PDE5A: variants seen among roughly 807,000 people sequenced by gnomAD.
The protein encoded by PDE5A is cGMP-specific 3',5'-cyclic phosphodiesterase.
Under a neutral mutation model 110.2 loss-of-function variants are expected in PDE5A, and 67 were observed. The observed-to-expected ratio is 0.61, with a 90% CI of 0.50 to 0.75. The LOEUF (loss-of-function observed/expected upper bound fraction) is 0.75. Ranked by LOEUF, PDE5A falls within the 30% of genes least tolerant of loss-of-function variation. The pLI is 0.00. For synonymous variants in PDE5A, 328 were observed against 351.2 expected (o/e 0.93, Z 0.74); for missense variants, 862 against 1,045.1 (o/e 0.82, Z 2.42).
At chr4:119,572,676 AAC>A (rs1728183289) in intron 3 of PDE5A, among the ~76,000 whole-genome samples, 1 of 152,200 alleles carries the variant, frequency 6.6e-6, no homozygotes, top group African/African-American at 2.4e-5. Context: ...GACTTGTTAA[AAC>A]ACAGTTTCGT....
At chr4:119,551,366 G>A (rs1727349024) in intron 9 of PDE5A, among the ~76,000 whole-genome samples, 2 of 152,254 alleles carry the variant, frequency 1.3e-5, no homozygotes, top group African/African-American at 4.8e-5. Flanking sequence ...ACCTACACTG[G>A]AAAAGAAAGT....
intron 2 of PDE5A, among the ~76,000 whole-genome samples, chr4:119,604,904 T>A (rs1362628315): frequency 6.6e-6 from 1 of 152,158 alleles, no homozygotes. Flanking sequence ...TACTTCTTCA[T>A]CCGAAATCCA....
At position 119,520,917 on chromosome 4, in the gene PDE5A, A is replaced by G. The variant is rs1267260175; in HGVS notation, c.1905+18T>C. 6.3e-7 allele frequency: 1 copy of G among 1,599,474 alleles called. No individual in the cohort carries two copies. On this transcript the variant is annotated intron_variant, in intron 13 of 20. Coordinates refer to ENST00000354960, the MANE Select transcript of PDE5A (RefSeq NM_001083.4). The stretch of plus-strand genomic sequence containing the variant: ...AGCAACAAAATGTATTAGATATATG[A>G]ATGGCTCTAAAAAGTACCTGAATTT...
intron 3 of PDE5A, among the ~76,000 whole-genome samples, chr4:119,580,223 C>T (rs1455957058): frequency 1.3e-5 from 2 of 152,232 alleles, no homozygotes; most frequent in East Asian, 3.9e-4. Context: ...CTGCCAAATA[C>T]TAAACTCTCT....
intron 3 of PDE5A, among the ~76,000 whole-genome samples, chr4:119,588,168 TTC>T (rs1474881641): frequency 6.8e-6 from 1 of 148,042 alleles, no homozygotes; most frequent in African/African-American, 2.5e-5. Flanking sequence ...CTCCAATTTT[TTC>T]TTTTTTTTTT....
At chr4:119,523,842 T>A (rs989990713) in intron 12 of PDE5A, among the ~76,000 whole-genome samples, 1 of 152,062 alleles carries the variant, frequency 6.6e-6, no homozygotes, top group Non-Finnish European at 1.5e-5. Context: ...ATGGGAGTAC[T>A]CAGGAATGGA....
chr4:119,576,883 AT>A lies in PDE5A; in HGVS notation c.832-9740del, dbSNP rs1728372391. 2.6e-5 allele frequency among the ~76,000 whole-genome samples: 4 copies of A among 152,352 alleles called. No homozygotes were observed. The South Asian group carries it at 8.3e-4, about 32-fold the overall frequency. The stretch of plus-strand genomic sequence containing the variant: ...AGAGACACAAAAAACCCGTCAAAAA[AT>A]CAATGAATCCAGGAGCTGGTTTTTT... On this transcript the variant is annotated intron_variant, in intron 3 of 20. Transcript: ENST00000354960.
chr4:119,608,976 T>C (rs1729640824), intron 1 of PDE5A, among the ~76,000 whole-genome samples: 1 of 151,936 alleles, frequency 6.6e-6, no homozygotes, highest in Non-Finnish European at 1.5e-5. Context: ...CCTGGCTACA[T>C]GGTGAAACCC....
intron 14 of PDE5A, among the ~76,000 whole-genome samples, chr4:119,514,502 A>G (rs1002164727): frequency 6.9e-6 from 1 of 144,492 alleles, no homozygotes; most frequent in African/African-American, 2.6e-5. Flanking sequence ...TTGCCTTCTC[A>G]TTGTCTATAA....
chr4:119,627,388 G>C lies in PDE5A; in HGVS notation c.152+1132C>G, dbSNP rs1411956507. The C allele has an allele frequency of 1.2e-6, 1 of 832,442 alleles. No homozygotes were observed. The highest frequency in any genetic ancestry group is 1.5e-6 in the Non-Finnish European group (1 of 689,144). 51.6% of individuals were successfully genotyped at this position (832,442 alleles called of 1,614,324 possible). Reference sequence around the variant, plus strand: ...GGGAGCGACCGGCAGAGCCGCGGCCGCGCGCCGGCGAGTGGGACCCGGGCG... The same window carrying C: ...GGGAGCGACCGGCAGAGCCGCGGCCCCGCGCCGGCGAGTGGGACCCGGGCG... On this transcript the variant is annotated intron_variant, in intron 1 of 20. Coordinates refer to ENST00000354960, the MANE Select transcript of PDE5A (RefSeq NM_001083.4). This position sits in a 1 kb window ranked among gnomAD's most constrained non-coding sequence, Gnocchi z 4.6.
At chr4:119,583,455 CT>C (rs1181450112) in intron 3 of PDE5A, among the ~76,000 whole-genome samples, 1 of 152,128 alleles carries the variant, frequency 6.6e-6, no homozygotes, top group African/African-American at 2.4e-5. Context: ...GGCTATTTGA[CT>C]TTCTTAGCAC....
At position 119,521,163 on chromosome 4, in the gene PDE5A, G is replaced by A. The variant is rs553065742; in HGVS notation, c.1780-103C>T. The stretch of plus-strand genomic sequence containing the variant: ...GCATTCACATTTAGCCTGATACTCC[G>A]ATTTGGATCATCTTACAGACAAGAA... On this transcript the variant is annotated intron_variant, in intron 12 of 20. Coordinates refer to ENST00000354960, the MANE Select transcript of PDE5A (RefSeq NM_001083.4). The A allele has an allele frequency of 1.0e-3, 1,180 of 1,145,522 alleles. 17 individuals carry two copies. The South Asian group carries it at 0.017, about 16-fold the overall frequency. The allele number at this position is 1,145,522 out of a possible 1,614,324, so 71.0% of individuals were successfully genotyped here. A position where few individuals can be genotyped will look rare whatever the true frequency, so the allele number is the denominator to read the frequency against.
chr4:119,525,633 C>T lies in PDE5A; in HGVS notation c.1695G>A (p.Glu565=), dbSNP rs1726286863. 6.2e-7 allele frequency: 1 copy of T among 1,613,076 alleles called. No homozygotes were observed. Among genetic ancestry groups the T allele is most frequent in the Admixed American group, 1.7e-5 (1 of 59,894 alleles). Residue 565 remains glutamate (E), a synonymous_variant, in exon 12 of 21, where the codon GAG becomes GAA. Coordinates refer to ENST00000354960, the MANE Select transcript of PDE5A (RefSeq NM_001083.4). This position sits in a 1 kb window ranked among gnomAD's most constrained non-coding sequence, Gnocchi z 4.3. ...ACAGTGCTGTTTCCAGATCAGACAG[C>T]TCAAAGTCACTGAAGCTAAAGTCAG... is the stretch of plus-strand genomic sequence containing the variant. ...KITDFSFSDF[E]LSDLETALCT... is the part of the protein sequence containing the mutation.
chr4:119,504,660 G>T, intron 17 of PDE5A, 61 bp from the exon 18 acceptor site: 1 of 1,323,752 alleles, frequency 7.6e-7, no homozygotes. Context: ...TATACCCTCA[G>T]TAAATAGTTA....
At chr4:119,620,570 C>A (rs899593554) in intron 1 of PDE5A, among the ~76,000 whole-genome samples, 1 of 152,150 alleles carries the variant, frequency 6.6e-6, no homozygotes, top group Non-Finnish European at 1.5e-5. Context: ...AGAGACTGGA[C>A]TACAATGGCA....
intron 2 of PDE5A, among the ~76,000 whole-genome samples, chr4:119,600,335 A>T (rs1453744594): frequency 6.6e-6 from 1 of 152,182 alleles, no homozygotes; most frequent in Non-Finnish European, 1.5e-5. Flanking sequence ...TTATTATAAT[A>T]AGTAGATAGA....
chr4:119,508,073 AGTG>A (rs1304007075), intron 15 of PDE5A, among the ~76,000 whole-genome samples: 5 of 152,006 alleles, frequency 3.3e-5, no homozygotes, highest in East Asian at 3.9e-4. Context: ...TGAAGAAAGA[AGTG>A]GTAAAATTTT....
At chr4:119,503,099 T>C (rs1038284404) in intron 18 of PDE5A, among the ~76,000 whole-genome samples, 8 of 152,112 alleles carry the variant, frequency 5.3e-5, no homozygotes, top group African/African-American at 1.9e-4. Context: ...GCTTATGGCG[T>C]GTTGGCTTTG....
chr4:119,606,909 A>T lies in PDE5A; in HGVS notation c.541T>A (p.Ser181Thr), dbSNP rs17051276. Residue 181 changes from serine to threonine, a missense_variant, in exon 2 of 21, where the codon TCT becomes ACT. Coordinates refer to ENST00000354960, the MANE Select transcript of PDE5A (RefSeq NM_001083.4). The stretch of plus-strand genomic sequence containing the variant: ...AGGAACAGGGAATAGCGGTCAGCAG[A>T]TATCAGTCCATGGATATGCAAGAAA... ...KIFLHIHGLISADRYSLFLVC... is the reference protein window; with the variant it reads ...KIFLHIHGLITADRYSLFLVC... The T allele has an allele frequency of 1.2e-6, 2 of 1,614,118 alleles. No homozygotes were observed. Among genetic ancestry groups the T allele is most frequent in the Non-Finnish European group, 1.7e-6 (2 of 1,180,044 alleles).
Sources: gnomAD v4.1 joint callset for allele counts (sites outside exome capture counted in the v4.1 genomes callset) on GRCh38, gnomAD v4.1.1 for gene constraint, Gnocchi (gnomAD v3.1) non-coding constraint, MANE v1.5 for transcripts, NCBI Gene and HGNC (gene_info 2026-07-23, HGNC 2026-07-21) for gene names.